The following NRXN3 variants were observed in gnomAD, a reference collection of about 807,000 sequenced individuals.
NRXN3 encodes the protein neurexin III.
In NRXN3, 32 loss-of-function variants were observed where a neutral mutation model predicts 137.6. The observed-to-expected ratio is 0.23, with a 90% CI of 0.18 to 0.31. The LOEUF is 0.31. Among genes scored for constraint, NRXN3 ranks in the 10% least tolerant of loss-of-function variants. The probability of loss-of-function intolerance (pLI) is 1.00; values close to 1 mark genes in which losing one functional copy is unlikely to be tolerated. For synonymous variants in NRXN3, 798 were observed against 784.5 expected (o/e 1.02, Z -0.29); for missense variants, 1,574 against 2,062.5 (o/e 0.76, Z 4.59).
chr14:79,032,054 G>A (rs977235228), intron 15 of NRXN3, among the ~76,000 whole-genome samples: 2 of 152,128 alleles, frequency 1.3e-5, no homozygotes, highest in African/African-American at 4.8e-5. Context: ...CAAGGAAAGG[G>A]AATGTTTCTC....
intron 4 of NRXN3, among the ~76,000 whole-genome samples, chr14:78,464,490 C>T (rs2095037887): frequency 6.6e-6 from 1 of 152,120 alleles, no homozygotes; most frequent in Non-Finnish European, 1.5e-5. Context: ...TTACTGTATA[C>T]CCATTGAAGG....
chr14:79,148,057 G>T (rs1251371265), intron 15 of NRXN3, among the ~76,000 whole-genome samples: 2 of 152,068 alleles, frequency 1.3e-5, no homozygotes, highest in Non-Finnish European at 2.9e-5. Flanking sequence ...AAAAATTCAT[G>T]TATTCTGGTC....
intron 7 of NRXN3, among the ~76,000 whole-genome samples, chr14:78,713,800 T>C: frequency 6.6e-6 from 1 of 152,154 alleles, no homozygotes; most frequent in African/African-American, 2.4e-5. Context: ...TCAGATCTTG[T>C]GAGAACTCAC....
intron 4 of NRXN3, among the ~76,000 whole-genome samples, chr14:78,599,468 C>T (rs1329426819): frequency 1.3e-5 from 2 of 152,192 alleles, no homozygotes; most frequent in African/African-American, 4.8e-5. Context: ...AATCTGGTGC[C>T]TTCGAGTGAC....
Position 79,328,033 on chromosome 14 carries a change from C to T in NRXN3, c.3263-139188C>T, listed in dbSNP as rs2091151289. 2.6e-5 allele frequency among the ~76,000 whole-genome samples: 4 copies of T among 152,088 alleles called. No individual in the cohort carries two copies. The South Asian group carries it at 8.3e-4, about 32-fold the overall frequency. ...ATGATGGGTTGATAGGTGCAGCAAA[C>T]CAGGTGGTACAGGGTCCTGTGTGAC... On this transcript the variant is annotated intron_variant, in intron 15 of 20. Coordinates refer to ENST00000335750, the MANE Select transcript of NRXN3 (RefSeq NM_001330195.2).
chr14:79,102,069 G>C (rs1421925987), intron 15 of NRXN3, among the ~76,000 whole-genome samples: 1 of 152,144 alleles, frequency 6.6e-6, no homozygotes, highest in South Asian at 2.1e-4. Flanking sequence ...CTTTCAGAGA[G>C]AGCATTGCTC....
chr14:79,758,297 G>A (rs2099026663), intron 19 of NRXN3, among the ~76,000 whole-genome samples: 1 of 152,154 alleles, frequency 6.6e-6, no homozygotes, highest in Non-Finnish European at 1.5e-5. Flanking sequence ...TTTGCAGCCT[G>A]TGCAAGAAGC....
intron 8 of NRXN3, among the ~76,000 whole-genome samples, chr14:78,716,154 T>C (rs1171541928): frequency 6.6e-6 from 1 of 152,210 alleles, no homozygotes; most frequent in African/African-American, 2.4e-5. Flanking sequence ...ACCACTTCAG[T>C]ATCTGACATT....
intron 8 of NRXN3, among the ~76,000 whole-genome samples, chr14:78,736,753 C>T (rs529075680): frequency 6.6e-6 from 1 of 152,052 alleles, no homozygotes; most frequent in African/African-American, 2.4e-5. Flanking sequence ...AGCTTCTTGC[C>T]CCCATGCAAC....
chr14:79,840,366 G>T (rs1366105607), intron 20 of NRXN3, among the ~76,000 whole-genome samples: 2 of 152,038 alleles, frequency 1.3e-5, no homozygotes, highest in Non-Finnish European at 2.9e-5. Context: ...GGTAACCTGG[G>T]ATTGTGCAAA....
intron 4 of NRXN3, among the ~76,000 whole-genome samples, chr14:78,372,780 C>T (rs529621130): frequency 6.6e-6 from 1 of 152,336 alleles, no homozygotes; most frequent in East Asian, 1.9e-4. Context: ...TGCAGAGTTA[C>T]ACATAGTAGG....
At chr14:79,738,690 C>T (rs1001082888) in intron 19 of NRXN3, among the ~76,000 whole-genome samples, 1 of 152,222 alleles carries the variant, frequency 6.6e-6, no homozygotes, top group Admixed American at 6.5e-5. Context: ...TCCCAAGTAG[C>T]TGGGATTACA....
At chr14:79,260,523 G>T (rs1478711779) in intron 15 of NRXN3, among the ~76,000 whole-genome samples, 3 of 152,066 alleles carry the variant, frequency 2.0e-5, no homozygotes, top group Non-Finnish European at 4.4e-5. Context: ...CCACAACATA[G>T]GTGTATATTG....
chr14:78,547,183 A>G (rs1436324973), intron 4 of NRXN3, among the ~76,000 whole-genome samples: 1 of 151,026 alleles, frequency 6.6e-6, no homozygotes, highest in Non-Finnish European at 1.5e-5. Flanking sequence ...TATGAAGTCC[A>G]GTCTTCTGTC....
intron 15 of NRXN3, among the ~76,000 whole-genome samples, chr14:79,114,083 C>G (rs1286987438): frequency 6.6e-6 from 1 of 152,104 alleles, no homozygotes; most frequent in East Asian, 1.9e-4. Flanking sequence ...TACCCTTTTT[C>G]TCTAAAACAG....
intron 16 of NRXN3, among the ~76,000 whole-genome samples, chr14:79,614,671 G>A (rs1182866905): frequency 6.6e-6 from 1 of 152,080 alleles, no homozygotes; most frequent in African/African-American, 2.4e-5. Flanking sequence ...AGAATTTTCA[G>A]CAGCCTAATT....
intron 16 of NRXN3, among the ~76,000 whole-genome samples, chr14:79,472,527 A>T: frequency 6.6e-6 from 1 of 152,218 alleles, no homozygotes. Flanking sequence ...TGAATTAAGC[A>T]TGTTTGAAAA....
chr14:78,939,425 T>C (rs952567159), intron 10 of NRXN3, among the ~76,000 whole-genome samples: 4 of 152,214 alleles, frequency 2.6e-5, no homozygotes, highest in Admixed American at 2.6e-4. Flanking sequence ...GGTTACACAA[T>C]GTTCATCTAC....
At chr14:78,302,731 C>G (rs1454063561) in intron 4 of NRXN3, among the ~76,000 whole-genome samples, 1 of 152,216 alleles carries the variant, frequency 6.6e-6, no homozygotes, top group African/African-American at 2.4e-5. Context: ...TTTGTTAACG[C>G]ATTTCCCACC....
Sources: allele counts gnomAD v4.1 joint callset (sites outside exome capture counted in the v4.1 genomes callset), GRCh38; gene constraint gnomAD v4.1.1; transcripts MANE v1.5; gene names NCBI Gene and HGNC (gene_info 2026-07-23, HGNC 2026-07-21).